BRINP2: variants seen among roughly 807,000 people sequenced by gnomAD.
The protein encoded by BRINP2 is BMP/retinoic acid-inducible neural-specific protein 2.
A neutral mutation model predicts 69.2 loss-of-function variants in BRINP2; 21 were observed. That is an observed-to-expected ratio of 0.30 (90% confidence interval 0.22 to 0.44). The LOEUF is 0.44. Among genes scored for constraint, BRINP2 ranks in the 20% least tolerant of loss-of-function variants. The probability of loss-of-function intolerance (pLI) is 1.00; values close to 1 mark genes in which losing one functional copy is unlikely to be tolerated. For missense variants in BRINP2, 877 were observed against 986.0 expected, an observed-to-expected ratio of 0.89 and a Z score of 1.48; for synonymous variants, 380 against 394.1, an observed-to-expected ratio of 0.96 and a Z score of 0.42.
intron 2 of BRINP2, among the ~76,000 whole-genome samples, chr1:177,249,076 G>C (rs1650495036): frequency 6.6e-6 from 1 of 152,116 alleles, no homozygotes; most frequent in African/African-American, 2.4e-5. Context: ...TTGGGATAAA[G>C]ATAACTACAA....
chr1:177,251,461 C>T (rs184544633), intron 2 of BRINP2, among the ~76,000 whole-genome samples: 1 of 152,292 alleles, frequency 6.6e-6, no homozygotes, highest in Non-Finnish European at 1.5e-5. Flanking sequence ...GCTATAGAAA[C>T]AGCAGTATGA....
chr1:177,270,309 G>T (rs1651273889), intron 4 of BRINP2, among the ~76,000 whole-genome samples: 1 of 152,186 alleles, frequency 6.6e-6, no homozygotes, highest in African/African-American at 2.4e-5. Flanking sequence ...AACAGGAAAT[G>T]AGCATGAGGA....
rs755061077 is a variant in BRINP2, at chr1:177,280,928, T to C, written c.1752T>C (p.Pro584=). ...ICLTKNSTLE[P]VMAIYVNPFG... ...TCACCAAGAACAGCACCCTGGAGCCTGTCATGGCCATCTACGTCAACCCCT... is the reference window on the plus strand; with the variant it reads ...TCACCAAGAACAGCACCCTGGAGCCCGTCATGGCCATCTACGTCAACCCCT... Residue 584 remains proline, a synonymous_variant, in exon 8 of 8, where the codon CCT becomes CCC. Transcript: ENST00000361539. 1 of 1,614,188 alleles carries C rather than the reference T, an allele frequency of 6.2e-7. No homozygotes were observed. The highest frequency in any genetic ancestry group is 8.5e-7 in the Non-Finnish European group (1 of 1,180,028).
intron 1 of BRINP2, among the ~76,000 whole-genome samples, chr1:177,189,507 A>T (rs1489298785): frequency 6.6e-6 from 1 of 152,112 alleles, no homozygotes; most frequent in Non-Finnish European, 1.5e-5. Context: ...ATGGCAAATT[A>T]CCTCTGGGGT....
intron 1 of BRINP2, among the ~76,000 whole-genome samples, chr1:177,207,763 C>A (rs1367185588): frequency 6.6e-6 from 1 of 152,124 alleles, no homozygotes; most frequent in Non-Finnish European, 1.5e-5. Flanking sequence ...TTCCCTTTCC[C>A]TGCTCCCTCA....
At chr1:177,187,193 C>T (rs948805303) in intron 1 of BRINP2, among the ~76,000 whole-genome samples, 1 of 151,858 alleles carries the variant, frequency 6.6e-6, no homozygotes, top group East Asian at 1.9e-4. Flanking sequence ...TTTGTGGCTT[C>T]TCTAACTCAA....
At chr1:177,266,996 A>G (rs1284759480) in intron 4 of BRINP2, among the ~76,000 whole-genome samples, 2 of 152,124 alleles carry the variant, frequency 1.3e-5, no homozygotes, top group African/African-American at 4.8e-5. Context: ...TTCCCACTAA[A>G]AGTACAGAGC....
intron 1 of BRINP2, among the ~76,000 whole-genome samples, chr1:177,175,043 A>G (rs779578374): frequency 3.9e-5 from 6 of 152,218 alleles, no homozygotes; most frequent in Non-Finnish European, 7.3e-5. Context: ...TTACAATCAG[A>G]ATCTCCTAAG....
intron 2 of BRINP2, among the ~76,000 whole-genome samples, chr1:177,238,666 CA>C (rs1315749521): frequency 6.6e-6 from 1 of 152,148 alleles, no homozygotes; most frequent in African/African-American, 2.4e-5. Context: ...AGGCTCTCGC[CA>C]ATCTCCCCAA....
intron 2 of BRINP2, among the ~76,000 whole-genome samples, chr1:177,237,388 A>G (rs887873440): frequency 1.6e-4 from 23 of 142,234 alleles, no homozygotes; most frequent in Non-Finnish European, 3.3e-4. Context: ...TGCTAGAAAG[A>G]AGACATTTAA....
At chr1:177,219,846 C>T (rs74969740) in intron 1 of BRINP2, among the ~76,000 whole-genome samples, 4 of 152,274 alleles carry the variant, frequency 2.6e-5, no homozygotes, top group Middle Eastern at 3.4e-3. Context: ...TTTGGCTTCC[C>T]GGGCCTTAAA....
In BRINP2 at chr1:177,276,240, T is replaced by C. The variant is rs1312642703; in HGVS notation, c.818T>C (p.Val273Ala). The C allele has an allele frequency of 1.9e-6, 3 of 1,614,056 alleles. No individual in the cohort carries two copies. The highest frequency in any genetic ancestry group is 2.5e-6 in the Non-Finnish European group (3 of 1,180,042). The change falls in exon 6 of 8, where the codon GTA becomes GCA. Residue 273 changes from valine (V) to alanine (A), a missense_variant. Transcript: ENST00000361539. ...CCTGAGTATCTGCGTGAGCGCTTTG[T>C]AGCTGCAGCACTCAGCTACATCACA... is the stretch of plus-strand genomic sequence containing the variant. ...LLPEYLRERF[V>A]AAALSYITCS...
chr1:177,238,791 T>A (rs1283805287), intron 2 of BRINP2, among the ~76,000 whole-genome samples: 2 of 152,250 alleles, frequency 1.3e-5, no homozygotes, highest in African/African-American at 4.8e-5. Context: ...ATTCTCTCTG[T>A]ACTATGAGAT....
intron 1 of BRINP2, among the ~76,000 whole-genome samples, chr1:177,208,903 C>A (rs553596533): frequency 6.6e-6 from 1 of 152,168 alleles, no homozygotes; most frequent in Non-Finnish European, 1.5e-5. Flanking sequence ...CAGAAATGTA[C>A]GTGATCAGGC....
intron 1 of BRINP2, among the ~76,000 whole-genome samples, chr1:177,225,916 C>T (rs1649678312): frequency 6.6e-6 from 1 of 152,212 alleles, no homozygotes; most frequent in Non-Finnish European, 1.5e-5. Flanking sequence ...GAGCAGTCGG[C>T]ACTGAATTCA....
chr1:177,215,653 T>A, intron 1 of BRINP2, among the ~76,000 whole-genome samples: 1 of 152,242 alleles, frequency 6.6e-6, no homozygotes, highest in Middle Eastern at 3.4e-3. Flanking sequence ...AATTTCACTT[T>A]TTCTTTTTTT....
chr1:177,198,221 AG>A lies in BRINP2; in HGVS notation c.-77+26490del, dbSNP rs964475060. ...GTTCACATATATATTACATCTAAAC[AG>A]ACAAAGGTATAGATTTGTATGAGTA... is the stretch of plus-strand genomic sequence containing the variant. On this transcript the variant is annotated intron_variant, in intron 1 of 7. Coordinates refer to ENST00000361539, the MANE Select transcript of BRINP2 (RefSeq NM_021165.4). Among the ~76,000 whole-genome samples, 112 of 152,338 alleles carry A rather than the reference AG, an allele frequency of 7.4e-4. 1 individual carries two copies. Among genetic ancestry groups the A allele is most frequent in the African/African-American group, 2.6e-3 (108 of 41,574 alleles).
chr1:177,186,762 T>A (rs1648437616), intron 1 of BRINP2, among the ~76,000 whole-genome samples: 1 of 152,180 alleles, frequency 6.6e-6, no homozygotes, highest in African/African-American at 2.4e-5. Flanking sequence ...ATAATGCTAG[T>A]TGTAGGCGTA....
At chr1:177,223,898 C>T (rs551458346) in intron 1 of BRINP2, among the ~76,000 whole-genome samples, 1 of 152,132 alleles carries the variant, frequency 6.6e-6, no homozygotes, top group East Asian at 1.9e-4. Flanking sequence ...TGTGTCACCC[C>T]TGCTCAGGTT....
Sources: allele counts gnomAD v4.1 joint callset (sites outside exome capture counted in the v4.1 genomes callset), GRCh38; gene constraint gnomAD v4.1.1; transcripts MANE v1.5; gene names NCBI Gene and HGNC (gene_info 2026-07-23, HGNC 2026-07-21).